The following MMP11 variants were observed in gnomAD, a reference collection of about 807,000 sequenced individuals.
MMP11 encodes matrix metallopeptidase 11, also known as stromelysin-3.
MMP11 carries 26 observed loss-of-function variants against 49.5 expected under a neutral mutation model. The ratio of observed to expected loss-of-function variants is 0.52; its 90% confidence interval spans 0.38 to 0.73. The LOEUF (loss-of-function observed/expected upper bound fraction) is 0.73, where lower values mean the gene tolerates loss of function less well. Ranked by LOEUF, MMP11 falls within the 30% of genes least tolerant of loss-of-function variation. The pLI is 0.00. For missense variants in MMP11, 624 were observed against 671.2 expected (o/e 0.93, Z 0.78); for synonymous variants, 265 against 282.3 (o/e 0.94, Z 0.62).
intron 1 of MMP11, among the ~76,000 whole-genome samples, chr22:23,774,440 G>A (rs1569154628): frequency 6.6e-6 from 1 of 152,168 alleles, no homozygotes. Context: ...GCTGCCTTCA[G>A]CAAGGCTGGG....
At chr22:23,776,935 A>G (rs1927430685) in intron 1 of MMP11, among the ~76,000 whole-genome samples, 1 of 151,458 alleles carries the variant, frequency 6.6e-6, no homozygotes, top group Non-Finnish European at 1.5e-5. Flanking sequence ...AGCCTCCCGA[A>G]TAGCTGGGAC....
At position 23,780,434 on chromosome 22, in the gene MMP11, C is replaced by T. The variant is rs199514530; in HGVS notation, c.414C>T (p.Ser138=). 14 of 1,613,892 alleles carry T rather than the reference C, an allele frequency of 8.7e-6. No homozygotes were observed. Among genetic ancestry groups the T allele is most frequent in the Admixed American group, 1.7e-5 (1 of 60,008 alleles). Residue 138 remains serine (S), a synonymous_variant, in exon 3 of 8, where the codon AGC becomes AGT. Coordinates refer to ENST00000215743, the MANE Select transcript of MMP11 (RefSeq NM_005940.5). This position sits in a 1 kb window ranked among gnomAD's most constrained non-coding sequence, Gnocchi z 4.6. Reference sequence around the variant, plus strand: ...TGGCAGAGGCCCTAAAGGTATGGAGCGATGTGACGCCACTCACCTTTACTG... The same window carrying T: ...TGGCAGAGGCCCTAAAGGTATGGAGTGATGTGACGCCACTCACCTTTACTG... ...QTMAEALKVW[S]DVTPLTFTEV...
chr22:23,777,099 G>T (rs1222522923), intron 1 of MMP11, among the ~76,000 whole-genome samples: 3 of 143,212 alleles, frequency 2.1e-5, no homozygotes, highest in African/African-American at 5.0e-5. Flanking sequence ...GAGCCACCAG[G>T]CCCGGCCAAC....
chr22:23,781,588 C>A, intron 6 of MMP11, 179 bp downstream of exon 6: 1 of 652,974 alleles, frequency 1.5e-6, no homozygotes, highest in Non-Finnish European at 2.6e-6. Context: ...AGGAGGTTCT[C>A]GGAGGTGGCT....
intron 1 of MMP11, among the ~76,000 whole-genome samples, chr22:23,774,189 T>A (rs1927330918): frequency 6.6e-6 from 1 of 152,136 alleles, no homozygotes; most frequent in Non-Finnish European, 1.5e-5. Context: ...CCACTCCATC[T>A]CTAATGGGAG....
At position 23,780,282 on chromosome 22, in the gene MMP11, C is replaced by T. The variant is rs1927567817; in HGVS notation, c.339-77C>T. 1 of 1,589,128 alleles carries T rather than the reference C, an allele frequency of 6.3e-7. No individual in the cohort carries two copies. Among genetic ancestry groups the T allele is most frequent in the East Asian group, 2.2e-5 (1 of 44,592 alleles). ...GAGTGTTCACACACCCACCAAGCATCCAGGGGCAACTCCTGGTGCCTCAGC... is the reference window on the plus strand; with the variant it reads ...GAGTGTTCACACACCCACCAAGCATTCAGGGGCAACTCCTGGTGCCTCAGC... On this transcript the variant is annotated intron_variant, in intron 2 of 7. Transcript: ENST00000215743. The surrounding 1 kb of genome is among the most constrained non-coding windows in gnomAD (Gnocchi z 4.6).
intron 7 of MMP11, among the ~76,000 whole-genome samples, 199 bp from the exon 8 acceptor site, chr22:23,783,212 G>A (rs1186276020): frequency 6.6e-6 from 1 of 152,114 alleles, no homozygotes; most frequent in Non-Finnish European, 1.5e-5. Context: ...CCCAGATTCC[G>A]GGGCAGGCAG....
At chr22:23,777,453 G>A (rs1337172593) in intron 1 of MMP11, among the ~76,000 whole-genome samples, 1 of 151,828 alleles carries the variant, frequency 6.6e-6, no homozygotes, top group Non-Finnish European at 1.5e-5. Context: ...TGCAGTCCCA[G>A]CTACTCAGGA....
At chr22:23,778,736 G>C (rs1423047684) in intron 1 of MMP11, among the ~76,000 whole-genome samples, 1 of 152,252 alleles carries the variant, frequency 6.6e-6, no homozygotes, top group Non-Finnish European at 1.5e-5. Context: ...GACAGGGACA[G>C]GAGCATGACC....
Position 23,780,965 on chromosome 22 carries a change from C to T in MMP11, c.723C>T (p.Tyr241=). The T allele has an allele frequency of 6.2e-7, 1 of 1,613,880 alleles. No individual in the cohort carries two copies. The highest frequency in any genetic ancestry group is 8.5e-7 in the Non-Finnish European group (1 of 1,180,030). ...ALMSAFYTFR[Y]PLSLSPDDCR... is the part of the protein sequence containing the mutation. ...TGTCCGCCTTCTACACCTTTCGCTA[C>T]CCACTGAGTCTCAGCCCAGATGACT... The change falls in exon 5 of 8, where the codon TAC becomes TAT. Residue 241 remains tyrosine, a synonymous_variant. Coordinates refer to ENST00000215743, the MANE Select transcript of MMP11 (RefSeq NM_005940.5). This position sits in a 1 kb window ranked among gnomAD's most constrained non-coding sequence, Gnocchi z 4.6.
rs985079808 is a variant in MMP11 at position 23,780,267 on chromosome 22, A to C, written c.339-92A>C. On this transcript the variant is annotated intron_variant, in intron 2 of 7. Transcript: ENST00000215743. The surrounding 1 kb of genome is among the most constrained non-coding windows in gnomAD (Gnocchi z 4.6). ...CCTGGCCTGTGTCCTGAGTGTTCACACACCCACCAAGCATCCAGGGGCAAC... is the reference window on the plus strand; with the variant it reads ...CCTGGCCTGTGTCCTGAGTGTTCACCCACCCACCAAGCATCCAGGGGCAAC... The C allele has an allele frequency of 7.1e-5, 109 of 1,531,564 alleles. No individual in the cohort carries two copies. Among genetic ancestry groups the C allele is most frequent in the Non-Finnish European group, 8.7e-5 (97 of 1,120,860 alleles). The allele number at this position is 1,531,564 out of a possible 1,614,324, so 94.9% of individuals were successfully genotyped here.
intron 1 of MMP11, among the ~76,000 whole-genome samples, chr22:23,774,005 G>A (rs916690079): frequency 3.9e-5 from 6 of 152,208 alleles, no homozygotes; most frequent in Non-Finnish European, 7.3e-5. Context: ...GAGTGAATGG[G>A]GGGCATCTCA....
Position 23,783,558 on chromosome 22 carries a change from G to A in MMP11, c.*14G>A. 6.2e-7 allele frequency: 1 copy of A among 1,613,872 alleles called. No homozygotes were observed. The highest frequency in any genetic ancestry group is 8.5e-7 in the Non-Finnish European group (1 of 1,179,812). On this transcript the variant is annotated 3_prime_UTR_variant, in exon 8 of 8. Coordinates refer to ENST00000215743, the MANE Select transcript of MMP11 (RefSeq NM_005940.5). ...ACTTTCCTCTGACCATGGCTTGGAT[G>A]CCCTCAGGGGTGCTGACCCCTGCCA... is the stretch of plus-strand genomic sequence containing the variant.
rs2145940642 is a variant in MMP11, at chr22:23,779,320, G to A, written c.242G>A (p.Gly81Asp). 1.2e-6 allele frequency: 2 copies of A among 1,612,678 alleles called. No homozygotes were observed. The highest frequency in any genetic ancestry group is 1.7e-6 in the Non-Finnish European group (2 of 1,179,832). The part of the protein sequence containing the change: ...PASSLRPPRC[G>D]VPDPSDGLSA... ...AGCAGCCTCAGGCCTCCCCGCTGTG[G>A]CGTGCCCGACCCATCTGATGGGCTG... Residue 81 changes from glycine (G) to aspartate (D), a missense_variant, in exon 2 of 8, where the codon GGC (glycine) becomes GAC (aspartate). Gly to Asp is a moderately conservative substitution (Grantham distance 94). Coordinates refer to ENST00000215743, the MANE Select transcript of MMP11 (RefSeq NM_005940.5).
chr22:23,774,212 G>A (rs1185293862), intron 1 of MMP11, among the ~76,000 whole-genome samples: 1 of 152,166 alleles, frequency 6.6e-6, no homozygotes, highest in East Asian at 1.9e-4. Context: ...CAGGTGGGAG[G>A]GGGCAATGGT....
In MMP11 at chr22:23,782,394, C is replaced by G; in HGVS notation, c.1244C>G (p.Thr415Ser). The G allele has an allele frequency of 6.2e-7, 1 of 1,613,944 alleles. No individual in the cohort carries two copies. The highest frequency in any genetic ancestry group is 8.5e-7 in the Non-Finnish European group (1 of 1,180,012). ...GRDYWRFHPS[T>S]RRVDSPVPRR... ...GACTACTGGCGTTTCCACCCCAGCA[C>G]CCGGCGTGTAGACAGTCCCGTGCCC... The change falls in exon 7 of 8, where the codon ACC (threonine) becomes AGC (serine). Residue 415 changes from threonine to serine, a missense_variant. Transcript: ENST00000215743.
In MMP11 at chr22:23,783,849, C is replaced by T; in HGVS notation, c.*305C>T. On this transcript the variant is annotated 3_prime_UTR_variant, in exon 8 of 8. Transcript: ENST00000215743. ...GGCTGCCCTGTCTCCATCCCTGTCC[C>T]TCAGGGTAGCACCATGGCAGGACTG... is the stretch of plus-strand genomic sequence containing the variant. The T allele has an allele frequency of 2.3e-6, 1 of 443,858 alleles. No individual in the cohort carries two copies. Among genetic ancestry groups the T allele is most frequent in the Non-Finnish European group, 4.2e-6 (1 of 238,002 alleles). 27.5% of individuals were successfully genotyped at this position (443,858 alleles called of 1,614,324 possible). A position where few individuals can be genotyped will look rare whatever the true frequency, so the allele number is the denominator to read the frequency against.
chr22:23,780,964 A>G lies in MMP11; in HGVS notation c.722A>G (p.Tyr241Cys), dbSNP rs1328619887. The G allele has an allele frequency of 1.9e-6, 3 of 1,613,752 alleles. No homozygotes were observed. The highest frequency in any genetic ancestry group is 2.5e-6 in the Non-Finnish European group (3 of 1,179,996). ...ATGTCCGCCTTCTACACCTTTCGCTACCCACTGAGTCTCAGCCCAGATGAC... is the reference window on the plus strand; with the variant it reads ...ATGTCCGCCTTCTACACCTTTCGCTGCCCACTGAGTCTCAGCCCAGATGAC... ...ALMSAFYTFRYPLSLSPDDCR... is the reference protein window; with the variant it reads ...ALMSAFYTFRCPLSLSPDDCR... Residue 241 changes from tyrosine (Y) to cysteine (C), a missense_variant, in exon 5 of 8, where the codon TAC becomes TGC. Coordinates refer to ENST00000215743, the MANE Select transcript of MMP11 (RefSeq NM_005940.5). The surrounding 1 kb of genome is among the most constrained non-coding windows in gnomAD (Gnocchi z 4.6).
intron 6 of MMP11, 25 bp downstream of exon 6, chr22:23,781,434 C>A: frequency 6.4e-7 from 1 of 1,556,286 alleles, no homozygotes; most frequent in South Asian, 1.2e-5. Flanking sequence ...GGGATCTGCT[C>A]GAGAGACTTC....
Sources: gnomAD v4.1 joint callset for allele counts (sites outside exome capture counted in the v4.1 genomes callset) on GRCh38, gnomAD v4.1.1 for gene constraint, Gnocchi (gnomAD v3.1) non-coding constraint, MANE v1.5 for transcripts, NCBI Gene and HGNC (gene_info 2026-07-23, HGNC 2026-07-21) for gene names.